LYST: variants seen among roughly 807,000 people sequenced by gnomAD.
LYST encodes the protein lysosomal-trafficking regulator.
A neutral mutation model predicts 413.6 loss-of-function variants in LYST; 192 were observed. That is an observed-to-expected ratio of 0.46 (90% CI 0.41 to 0.52). LYST has a LOEUF of 0.52. Among genes scored for constraint, LYST ranks in the 20% least tolerant of loss-of-function variants. The probability of loss-of-function intolerance (pLI) is 0.00; values close to 1 mark genes in which losing one functional copy is unlikely to be tolerated. For synonymous variants in LYST, 1,525 were observed against 1,567.3 expected (o/e 0.97, Z 0.64); for missense variants, 3,815 against 4,499.9 (o/e 0.85, Z 4.35).
intron 40 of LYST, among the ~76,000 whole-genome samples, chr1:235,718,363 CTTT>C (rs549670425): frequency 4.5e-4 from 65 of 145,452 alleles, no homozygotes; most frequent in African/African-American, 1.3e-3. Context: ...AGCATATTCA[CTTT>C]TTTTTTTTTT....
rs143096905 is a variant in LYST at position 235,824,005 on chromosome 1, C to CAG, written c.192+6220_192+6221insCT. 6.0e-4 allele frequency among the ~76,000 whole-genome samples: 91 copies of CAG among 152,258 alleles called. No individual in the cohort carries two copies. In the East Asian group the frequency reaches 0.016, roughly 27 times the overall value. ...AAGCAGTGAATAAACTGTAGCCACACTTCTAAAGGTCTGATATTGTTCTAT... is the reference window on the plus strand; with the variant it reads ...AAGCAGTGAATAAACTGTAGCCACACAGTTCTAAAGGTCTGATATTGTTCTAT... On this transcript the variant is annotated intron_variant, in intron 3 of 52. Transcript: ENST00000389793.
At chr1:235,712,970 G>A (rs1662524780) in intron 42 of LYST, 4 of 985,198 alleles carry the variant, frequency 4.1e-6, no homozygotes, top group Non-Finnish European at 4.8e-6. Flanking sequence ...ATGTTTCTTA[G>A]GAACCATATT....
intron 3 of LYST, among the ~76,000 whole-genome samples, chr1:235,813,520 A>G (rs1673681155): frequency 6.6e-6 from 1 of 152,230 alleles, no homozygotes. Flanking sequence ...ATAATATATA[A>G]GGAGAGAAAG....
intron 44 of LYST, among the ~76,000 whole-genome samples, chr1:235,708,411 C>T (rs955629040): frequency 6.6e-6 from 1 of 152,186 alleles, no homozygotes; most frequent in African/African-American, 2.4e-5. Context: ...TGACTGCTAT[C>T]TCTGGAAAGG....
chr1:235,707,459 C>A (rs1333028126), intron 44 of LYST, among the ~76,000 whole-genome samples: 1 of 151,918 alleles, frequency 6.6e-6, no homozygotes, highest in Non-Finnish European at 1.5e-5. Context: ...CCCTGTCTCA[C>A]TAAAAATACA....
At chr1:235,775,207 G>T in intron 17 of LYST, 121 bp from the exon 18 acceptor site, 1 of 747,626 alleles carries the variant, frequency 1.3e-6, no homozygotes, top group Non-Finnish European at 2.3e-6. Flanking sequence ...TTTTTTTAAT[G>T]CTCATACTCT....
intron 10 of LYST, among the ~76,000 whole-genome samples, chr1:235,797,083 A>G (rs866196642): frequency 3.3e-5 from 5 of 152,260 alleles, no homozygotes; most frequent in Admixed American, 6.5e-5. Flanking sequence ...TTCTCAAATG[A>G]TTAAACACAG....
At position 235,741,636 on chromosome 1, in the gene LYST, C is replaced by A; in HGVS notation, c.8152-8G>T. The A allele has an allele frequency of 6.2e-7, 1 of 1,601,886 alleles. No homozygotes were observed. The highest frequency in any genetic ancestry group is 8.6e-7 in the Non-Finnish European group (1 of 1,169,164). ...ACTGGCTTTACTTGAACCCTAAAAT[C>A]AATCAAGATAGGAATGAATTAGGAT... On this transcript the variant is annotated splice_region_variant and splice_polypyrimidine_tract_variant and intron_variant, in intron 30 of 52. Transcript: ENST00000389793.
chr1:235,701,256 C>T (rs189588723), intron 45 of LYST, among the ~76,000 whole-genome samples: 3 of 152,236 alleles, frequency 2.0e-5, no homozygotes, highest in East Asian at 3.9e-4. Context: ...TAACAGCTAA[C>T]GAGCAGTAAG....
chr1:235,770,255 T>G lies in LYST; in HGVS notation c.5827A>C (p.Ile1943Leu). 6.2e-7 allele frequency: 1 copy of G among 1,613,686 alleles called. No individual in the cohort carries two copies. The highest frequency in any genetic ancestry group is 8.5e-7 in the Non-Finnish European group (1 of 1,179,686). Residue 1943 changes from isoleucine (I) to leucine (L), a missense_variant, in exon 20 of 53, where the codon ATC becomes CTC. Around this residue, in one of 4 missense-constraint regions of LYST, gnomAD observed 530 missense variants for 696.5 expected, o/e 0.76. Transcript: ENST00000389793. ...ATCTGCTGGTGGTGATCTGCTCTGATGAGGACTTCTAGAGCTGCTAGCAAA... is the reference window on the plus strand; with the variant it reads ...ATCTGCTGGTGGTGATCTGCTCTGAGGAGGACTTCTAGAGCTGCTAGCAAA... ...ETLLAALEVL[I>L]RADHHQQMFN...
At position 235,689,055 on chromosome 1, in the gene LYST, T is replaced by TAC. The variant is rs1660449550; in HGVS notation, c.10702-2009_10702-2008insGT. Among the ~76,000 whole-genome samples the TAC allele has an allele frequency of 3.9e-5, 5 of 129,368 alleles. No homozygotes were observed. In the East Asian group the frequency reaches 6.0e-4, roughly 15 times the overall value. The allele number at this position is 129,368 out of a possible 152,430, so 84.9% of individuals were successfully genotyped here. On this transcript the variant is annotated intron_variant, in intron 47 of 52. Transcript: ENST00000389793. Reference sequence around the variant, plus strand: ...AACAACAACAACAACAACAATAATATCCTAGCTGAATTTTCTCAAATCAAA... The same window carrying TAC: ...AACAACAACAACAACAACAATAATATACCCTAGCTGAATTTTCTCAAATCAAA...
chr1:235,819,702 G>A lies in LYST; in HGVS notation c.193-6641C>T, dbSNP rs1674547164. ...CACTCTGCCACCCAGCTGGAGTGCA[G>A]TGGCGTGATCTCGGCTCACTGCAAG... is the stretch of plus-strand genomic sequence containing the variant. On this transcript the variant is annotated intron_variant, in intron 3 of 52. Coordinates refer to ENST00000389793, the MANE Select transcript of LYST (RefSeq NM_000081.4). 2.0e-5 allele frequency among the ~76,000 whole-genome samples: 3 copies of A among 152,348 alleles called. No individual in the cohort carries two copies. The South Asian group carries it at 6.2e-4, about 32-fold the overall frequency.
intron 1 of LYST, among the ~76,000 whole-genome samples, chr1:235,876,747 A>G (rs756645857): frequency 2.0e-4 from 31 of 152,360 alleles, no homozygotes; most frequent in Non-Finnish European, 3.5e-4. Context: ...AGCTCACTAC[A>G]TAAGCTAATT....
chr1:235,678,268 C>T (rs1665819831), intron 48 of LYST, among the ~76,000 whole-genome samples: 1 of 152,176 alleles, frequency 6.6e-6, no homozygotes, highest in Admixed American at 6.5e-5. Context: ...GCCTGGCCAA[C>T]ATGGTGAAAC....
intron 1 of LYST, among the ~76,000 whole-genome samples, chr1:235,846,629 T>A (rs950645628): frequency 5.3e-5 from 8 of 151,054 alleles, no homozygotes; most frequent in African/African-American, 2.0e-4. Flanking sequence ...AAAAATGATA[T>A]AAGAAGTGAA....
At chr1:235,687,134 T>G in intron 47 of LYST, 87 bp from the exon 48 acceptor site, 1 of 935,320 alleles carries the variant, frequency 1.1e-6, no homozygotes, top group Non-Finnish European at 1.7e-6. Context: ...GAATGAAAAA[T>G]ACTTCTACTT....
intron 1 of LYST, among the ~76,000 whole-genome samples, chr1:235,873,280 G>A (rs747536883): frequency 6.6e-6 from 1 of 152,152 alleles, no homozygotes; most frequent in Non-Finnish European, 1.5e-5. Flanking sequence ...CAGGCTGAAC[G>A]TGTCATAGTG....
intron 3 of LYST, among the ~76,000 whole-genome samples, chr1:235,825,934 T>C (rs1182253755): frequency 6.6e-6 from 1 of 152,186 alleles, no homozygotes; most frequent in Non-Finnish European, 1.5e-5. Context: ...AACTTATTTT[T>C]ATAAAAGCCA....
At position 235,810,433 on chromosome 1, in the gene LYST, G is replaced by A; in HGVS notation, c.385C>T (p.Leu129=). 1 of 1,610,670 alleles carries A rather than the reference G, an allele frequency of 6.2e-7. No homozygotes were observed. The highest frequency in any genetic ancestry group is 8.5e-7 in the Non-Finnish European group (1 of 1,179,132). ...QEKLHLEGSA[L]SSQVSAKVNV... is the part of the protein sequence containing the mutation. ...ACTTTTGCAGAAACCTGACTAGACA[G>A]GGCACTTCCTTCTAAATGTAATTTT... Residue 129 remains leucine, a synonymous_variant, in exon 5 of 53, where the codon CTG becomes TTG. Coordinates refer to ENST00000389793, the MANE Select transcript of LYST (RefSeq NM_000081.4).
Sources: gnomAD v4.1 joint callset for allele counts (sites outside exome capture counted in the v4.1 genomes callset) on GRCh38, gnomAD v4.1.1 for gene constraint, gnomAD v4.1.1 regional missense constraint, MANE v1.5 for transcripts, NCBI Gene and HGNC (gene_info 2026-07-23, HGNC 2026-07-21) for gene names.